The following SLTM variants were observed in gnomAD, a reference collection of about 807,000 sequenced individuals.
The protein encoded by SLTM is SAFB like transcription modulator.
In SLTM, 43 loss-of-function variants were observed where a neutral mutation model predicts 134.6. That is an observed-to-expected ratio of 0.32 (90% CI 0.25 to 0.41). The LOEUF is 0.41. Among genes scored for constraint, SLTM ranks in the 10% least tolerant of loss-of-function variants. The pLI, the probability that SLTM is intolerant of heterozygous loss-of-function variation, is 1.00. For missense variants in SLTM, 1,055 were observed against 1,288.8 expected, an observed-to-expected ratio of 0.82 and a Z score of 2.78; for synonymous variants, 424 against 432.3, an observed-to-expected ratio of 0.98 and a Z score of 0.24.
intron 5 of SLTM, among the ~76,000 whole-genome samples, chr15:58,909,257 T>C (rs1162656755): frequency 6.6e-6 from 1 of 152,146 alleles, no homozygotes; most frequent in Non-Finnish European, 1.5e-5. Flanking sequence ...TATGGAACAA[T>C]TTAAGCATTA....
intron 3 of SLTM, among the ~76,000 whole-genome samples, chr15:58,914,211 G>T (rs1318733563): frequency 6.6e-6 from 1 of 152,202 alleles, no homozygotes; most frequent in Non-Finnish European, 1.5e-5. Context: ...ATTAGGAAGA[G>T]GAACATAGGT....
At chr15:58,905,462 G>A (rs1430497392) in intron 5 of SLTM, among the ~76,000 whole-genome samples, 1 of 152,156 alleles carries the variant, frequency 6.6e-6, no homozygotes, top group African/African-American at 2.4e-5. Flanking sequence ...CAGCACTTTA[G>A]GAGGCTGAGG....
In SLTM at chr15:58,887,354, T is replaced by C; in HGVS notation, c.2562A>G (p.Arg854=). The change falls in exon 18 of 21, where the codon AGA becomes AGG. Residue 854 remains arginine, a synonymous_variant. Transcript: ENST00000380516. Reference sequence around the variant, plus strand: ...CAGGCCTGTCATGAATAATCACCGTTCTCCTTTCGTCTCGCTCCCCTCGTA... The same window carrying C: ...CAGGCCTGTCATGAATAATCACCGTCCTCCTTTCGTCTCGCTCCCCTCGTA... ...REVRGERDER[R]TVIIHDRPDI... is the part of the protein sequence containing the mutation. 2.2e-5 allele frequency: 35 copies of C among 1,613,926 alleles called. No individual in the cohort carries two copies. Among genetic ancestry groups the C allele is most frequent in the Non-Finnish European group, 3.0e-5 (35 of 1,179,982 alleles).
chr15:58,910,602 TG>T (rs1242869166), intron 5 of SLTM, among the ~76,000 whole-genome samples: 1 of 152,180 alleles, frequency 6.6e-6, no homozygotes, highest in Non-Finnish European at 1.5e-5. Flanking sequence ...ACTCACAAAG[TG>T]CAAAACTATA....
At chr15:58,885,573 C>G (rs900116664) in intron 19 of SLTM, among the ~76,000 whole-genome samples, 1 of 151,988 alleles carries the variant, frequency 6.6e-6, no homozygotes, top group African/African-American at 2.4e-5. Flanking sequence ...GGTGGATGGT[C>G]GGAAGTTTGA....
intron 6 of SLTM, 140 bp from the exon 7 acceptor site, chr15:58,900,077 AG>A (rs2035363142): frequency 1.5e-6 from 1 of 659,998 alleles, no homozygotes; most frequent in Non-Finnish European, 2.5e-6. Flanking sequence ...AAAAAACACA[AG>A]GGTATTAACT....
At chr15:58,903,103 T>C (rs1332400462) in intron 5 of SLTM, among the ~76,000 whole-genome samples, 1 of 152,030 alleles carries the variant, frequency 6.6e-6, no homozygotes, top group Non-Finnish European at 1.5e-5. Flanking sequence ...GGTTTCACCA[T>C]GTTAGCCAAG....
intron 2 of SLTM, among the ~76,000 whole-genome samples, chr15:58,931,975 A>C (rs1202783964): frequency 6.6e-6 from 1 of 152,224 alleles, no homozygotes; most frequent in Non-Finnish European, 1.5e-5. Flanking sequence ...TACTAAAGAA[A>C]ACAGCAAGGA....
rs1384779294 is a variant in SLTM at position 58,933,580 on chromosome 15, G to T, written c.-15C>A. The T allele has an allele frequency of 3.2e-6, 5 of 1,566,742 alleles. No homozygotes were observed. Among genetic ancestry groups the T allele is most frequent in the Non-Finnish European group, 4.3e-6 (5 of 1,158,538 alleles). ...GCGGCAGCCATCTTAGAAGAGCAGC[G>T]CGCTGCCGAGGCAGCGAGTGGGCTG... is the stretch of plus-strand genomic sequence containing the variant. On this transcript the variant is annotated 5_prime_UTR_variant, in exon 1 of 21. Coordinates refer to ENST00000380516, the MANE Select transcript of SLTM (RefSeq NM_024755.4).
intron 14 of SLTM, among the ~76,000 whole-genome samples, chr15:58,890,913 C>T (rs1296105738): frequency 6.6e-6 from 1 of 152,116 alleles, no homozygotes; most frequent in Non-Finnish European, 1.5e-5. Flanking sequence ...TAACAATGAA[C>T]ATCAATAATA....
chr15:58,918,866 G>C (rs1454557420), intron 2 of SLTM, among the ~76,000 whole-genome samples: 1 of 147,678 alleles, frequency 6.8e-6, no homozygotes, highest in Admixed American at 6.7e-5. Context: ...CACTAAGAAA[G>C]AAAAAAAACT....
chr15:58,919,607 G>A (rs2036883806), intron 2 of SLTM, among the ~76,000 whole-genome samples: 1 of 151,926 alleles, frequency 6.6e-6, no homozygotes. Flanking sequence ...TCCAGCCTGG[G>A]CAACAGAGCG....
chr15:58,932,145 C>G (rs1290643875), intron 2 of SLTM: 1 of 479,306 alleles, frequency 2.1e-6, no homozygotes, highest in Non-Finnish European at 3.8e-6. Flanking sequence ...AAGAACTGTT[C>G]TCACTTTCTA....
intron 5 of SLTM, among the ~76,000 whole-genome samples, chr15:58,902,008 CTTTAAT>C (rs1321702276): frequency 6.6e-6 from 1 of 152,042 alleles, no homozygotes; most frequent in Non-Finnish European, 1.5e-5. Flanking sequence ...TAAAATATGA[CTTTAAT>C]TTTAACATAT....
chr15:58,930,721 A>G (rs1415383845), intron 2 of SLTM, among the ~76,000 whole-genome samples: 1 of 148,270 alleles, frequency 6.7e-6, no homozygotes, highest in Admixed American at 6.8e-5. Flanking sequence ...AAATATATAT[A>G]TATATCATAT....
chr15:58,909,472 C>T (rs1163887221), intron 5 of SLTM, among the ~76,000 whole-genome samples: 1 of 152,008 alleles, frequency 6.6e-6, no homozygotes, highest in African/African-American at 2.4e-5. Context: ...TAAATGATAC[C>T]ACTGGGTAAC....
At chr15:58,925,346 TTC>T (rs1247165419) in intron 2 of SLTM, among the ~76,000 whole-genome samples, 1 of 152,138 alleles carries the variant, frequency 6.6e-6, no homozygotes, top group Non-Finnish European at 1.5e-5. Context: ...AGTTTTTTGT[TTC>T]TGTTTTTGTG....
chr15:58,922,604 T>C (rs1219086491), intron 2 of SLTM, among the ~76,000 whole-genome samples: 1 of 146,416 alleles, frequency 6.8e-6, no homozygotes, highest in Non-Finnish European at 1.5e-5. Flanking sequence ...ATTATATACG[T>C]ATAAAATATA....
Position 58,893,069 on chromosome 15 carries a change from A to G in SLTM, c.1735-9T>C. On this transcript the variant is annotated splice_polypyrimidine_tract_variant and intron_variant, in intron 13 of 20. Transcript: ENST00000380516. ...TTACTTCTTCCATGAATCTGTAGAA[A>G]AAAATTAGAAGAACACTAGAAATTA... The G allele has an allele frequency of 6.4e-7, 1 of 1,566,358 alleles. No homozygotes were observed. The highest frequency in any genetic ancestry group is 8.6e-7 in the Non-Finnish European group (1 of 1,164,596).
Sources: allele counts gnomAD v4.1 joint callset (sites outside exome capture counted in the v4.1 genomes callset), GRCh38; gene constraint gnomAD v4.1.1; transcripts MANE v1.5; gene names NCBI Gene and HGNC (gene_info 2026-07-23, HGNC 2026-07-21).